Variants in KGD4 observed in about 807,000 individuals in gnomAD.
The protein encoded by KGD4 is alpha-ketoglutarate dehydrogenase subunit 4.
At chr5:69,217,893 C>G in the KGD4 span, 1 of 1,614,078 alleles carries the variant, frequency 6.2e-7, no homozygotes, top group Non-Finnish European at 8.5e-7. Flanking sequence ...TGTCGCGTTT[C>G]CGCATCTTGG....
At chr5:69,224,472 C>T in the KGD4 span, among the ~76,000 whole-genome samples, 1 of 151,922 alleles carries the variant, frequency 6.6e-6, no homozygotes, top group African/African-American at 2.4e-5. Context: ...TGTGTTCTTC[C>T]AAATGTTTTA....
the KGD4 span, among the ~76,000 whole-genome samples, chr5:69,220,937 T>C: frequency 6.6e-6 from 1 of 152,044 alleles, no homozygotes; most frequent in Non-Finnish European, 1.5e-5. Context: ...GTTAAATGGA[T>C]TAAGGGCGGT....
At chr5:69,221,188 T>TA in the KGD4 span, among the ~76,000 whole-genome samples, 1,598 of 131,018 alleles carry the variant, frequency 0.012, 17 homozygotes, top group African/African-American at 0.031. Flanking sequence ...CAATAAATAC[T>TA]AAAAAAAAAA....
the KGD4 span, chr5:69,217,945 T>A: frequency 2.5e-6 from 4 of 1,609,598 alleles, no homozygotes; most frequent in Non-Finnish European, 2.5e-6. Flanking sequence ...CGTCGGGGAG[T>A]AAAGGCGGTG....
chr5:69,224,403 G>A, the KGD4 span, among the ~76,000 whole-genome samples: 3 of 150,538 alleles, frequency 2.0e-5, no homozygotes, highest in African/African-American at 7.3e-5. Flanking sequence ...AAAAAAAAAA[G>A]TCTTTTATTT....
At chr5:69,226,404 G>A in the KGD4 span, 6 of 1,586,760 alleles carry the variant, frequency 3.8e-6, no homozygotes, top group Non-Finnish European at 4.3e-6. Flanking sequence ...ACCCAATGGT[G>A]AGTTGTATTT....
the KGD4 span, among the ~76,000 whole-genome samples, chr5:69,223,580 A>T: frequency 1.1e-5 from 1 of 90,850 alleles, no homozygotes; most frequent in Non-Finnish European, 2.4e-5. Context: ...CCTCAGTCTT[A>T]TTCGTTACAT....
chr5:69,229,276 A>G, the KGD4 span: 2 of 1,515,030 alleles, frequency 1.3e-6, no homozygotes. Context: ...TTTACAATAA[A>G]GGACTTCCAA....
At chr5:69,224,373 A>G in the KGD4 span, among the ~76,000 whole-genome samples, 1 of 91,252 alleles carries the variant, frequency 1.1e-5, no homozygotes, top group South Asian at 4.0e-4. Flanking sequence ...CCTGGGTGAC[A>G]GAGGAGACTC....
chr5:69,222,436 A>G, the KGD4 span, among the ~76,000 whole-genome samples: 2 of 152,200 alleles, frequency 1.3e-5, no homozygotes, highest in Non-Finnish European at 2.9e-5. Flanking sequence ...GAATACTTGG[A>G]GCAATGGGTA....
chr5:69,220,488 C>G, the KGD4 span, among the ~76,000 whole-genome samples: 1 of 152,132 alleles, frequency 6.6e-6, no homozygotes, highest in Non-Finnish European at 1.5e-5. Context: ...GACCCCATCT[C>G]TATAAAAATT....
At chr5:69,228,239 C>G in the KGD4 span, 1 of 1,602,190 alleles carries the variant, frequency 6.2e-7, no homozygotes, top group Non-Finnish European at 8.5e-7. Context: ...CCATCTCACT[C>G]TTCTGTAATT....
At chr5:69,218,418 G>A in the KGD4 span, among the ~76,000 whole-genome samples, 1 of 152,132 alleles carries the variant, frequency 6.6e-6, no homozygotes, top group Non-Finnish European at 1.5e-5. Context: ...GGCCAGATGA[G>A]GGAAATAGAA....
At chr5:69,220,474 G>A in the KGD4 span, among the ~76,000 whole-genome samples, 5 of 152,138 alleles carry the variant, frequency 3.3e-5, no homozygotes, top group South Asian at 2.1e-4. Flanking sequence ...AGGCAACATA[G>A]CAAGACCCCA....
At chr5:69,222,957 T>C in the KGD4 span, among the ~76,000 whole-genome samples, 1 of 151,202 alleles carries the variant, frequency 6.6e-6, no homozygotes, top group African/African-American at 2.4e-5. Flanking sequence ...TTTATTTTTT[T>C]AGTAGAGACA....
chr5:69,217,814 C>A, the KGD4 span: 2 of 1,613,852 alleles, frequency 1.2e-6, no homozygotes, highest in Non-Finnish European at 1.7e-6. Context: ...CCGGAAACTG[C>A]CCCTTCTCGG....
the KGD4 span, among the ~76,000 whole-genome samples, chr5:69,224,504 G>A: frequency 4.0e-5 from 6 of 151,760 alleles, no homozygotes; most frequent in African/African-American, 1.5e-4. Context: ...TGTTACTTTT[G>A]TAGTCAAAAA....
chr5:69,217,773 A>G, the KGD4 span: 2 of 1,608,846 alleles, frequency 1.2e-6, no homozygotes, highest in East Asian at 2.2e-5. Flanking sequence ...GCTGCCCGGG[A>G]CTCCAGTGAT....
At chr5:69,226,022 C>T in the KGD4 span, among the ~76,000 whole-genome samples, 1 of 152,240 alleles carries the variant, frequency 6.6e-6, no homozygotes, top group Non-Finnish European at 1.5e-5. Context: ...TAAGCCACTG[C>T]ACCCAGCCAG....
Sources: allele counts gnomAD v4.1 joint callset (sites outside exome capture counted in the v4.1 genomes callset), GRCh38; gene constraint gnomAD v4.1.1; transcripts MANE v1.5; gene names NCBI Gene and HGNC (gene_info 2026-07-23, HGNC 2026-07-21).